CSMD1: variants seen among roughly 807,000 people sequenced by gnomAD.
CSMD1 encodes CUB and sushi domain-containing protein 1.
CSMD1 carries 213 observed loss-of-function variants against 417.5 expected under a neutral mutation model. The observed-to-expected ratio is 0.51, with a 90% CI of 0.46 to 0.57. CSMD1 has a LOEUF of 0.57. Ranked by LOEUF, CSMD1 falls within the 20% of genes least tolerant of loss-of-function variation. The probability of loss-of-function intolerance (pLI) is 0.00; values close to 1 mark genes in which losing one functional copy is unlikely to be tolerated. For synonymous variants in CSMD1, 2,862 were observed against 1,736.8 expected (o/e 1.65, Z -16.11); for missense variants, 6,923 against 4,529.7 (o/e 1.53, Z -15.17).
rs377750812 is a variant in CSMD1 at position 4,600,844 on chromosome 8, T to G, written c.302+36498A>C. Among the ~76,000 whole-genome samples, 8 of 152,310 alleles carry G rather than the reference T, an allele frequency of 5.3e-5. 1 individual carries two copies. Among genetic ancestry groups the G allele is most frequent in the African/African-American group, 1.9e-4 (8 of 41,564 alleles). On this transcript the variant is annotated intron_variant, in intron 2 of 69. Coordinates refer to ENST00000635120, the MANE Select transcript of CSMD1 (RefSeq NM_033225.6). ...AAACTTACATATCTAAAGAAGATAT[T>G]CTGACTTTAAAAGGTTTGCTTATCG...
rs139088660 is a variant in CSMD1, at chr8:3,102,934, A to G, written c.6949+3594T>C. ...AACGAGTTTTATTAGCGGTCTGAAG[A>G]AACTCCCCAGGCCTCCACAAACAAG... On this transcript the variant is annotated intron_variant, in intron 46 of 69. Coordinates refer to ENST00000635120, the MANE Select transcript of CSMD1 (RefSeq NM_033225.6). Among the ~76,000 whole-genome samples the G allele has an allele frequency of 9.8e-3, 1,491 of 152,254 alleles. 21 individuals carry two copies. The highest frequency in any genetic ancestry group is 0.013 in the Non-Finnish European group (866 of 68,028).
chr8:3,318,160 T>C (rs1805902486), intron 23 of CSMD1, among the ~76,000 whole-genome samples: 2 of 152,350 alleles, frequency 1.3e-5, no homozygotes, highest in South Asian at 4.1e-4. Context: ...TAGTAAATTA[T>C]ATATAGTACC....
In CSMD1 at chr8:3,348,101, G is replaced by C. The variant is rs762233647; in HGVS notation, c.3365C>G (p.Ser1122Cys). 1 of 1,612,682 alleles carries C rather than the reference G, an allele frequency of 6.2e-7. No homozygotes were observed. The highest frequency in any genetic ancestry group is 1.7e-5 in the Admixed American group (1 of 59,888). ...ACACTCATGGTTATTATCATAATTG[G>C]ATGGAAAATTTGGAGACAGTAATGT... The part of the protein sequence containing the change: ...EGTLLSPNFP[S>C]NYDNNHECIY... Residue 1122 changes from serine to cysteine, a missense_variant, in exon 22 of 70, where the codon TCC becomes TGC. Coordinates refer to ENST00000635120, the MANE Select transcript of CSMD1 (RefSeq NM_033225.6).
intron 3 of CSMD1, among the ~76,000 whole-genome samples, chr8:4,397,429 G>A (rs1320952703): frequency 6.6e-6 from 1 of 151,102 alleles, no homozygotes; most frequent in Non-Finnish European, 1.5e-5. Flanking sequence ...TTAGGAACAT[G>A]GAAATGAAGA....
intron 26 of CSMD1, among the ~76,000 whole-genome samples, chr8:3,257,887 C>G (rs188414969): frequency 1.3e-5 from 2 of 152,000 alleles, no homozygotes; most frequent in Non-Finnish European, 2.9e-5. Flanking sequence ...TTGCTGGGTT[C>G]TGAAAATGTT....
intron 5 of CSMD1, among the ~76,000 whole-genome samples, chr8:3,821,470 G>A (rs1262562063): frequency 6.6e-6 from 1 of 151,298 alleles, no homozygotes; most frequent in Non-Finnish European, 1.5e-5. Flanking sequence ...CTAAGTGTAG[G>A]ACATTTTTGG....
chr8:3,248,815 G>C (rs1241973038), intron 26 of CSMD1, among the ~76,000 whole-genome samples: 1 of 151,980 alleles, frequency 6.6e-6, no homozygotes, highest in East Asian at 1.9e-4. Context: ...TTGTTCACTT[G>C]GCTAAATTCT....
Position 4,452,273 on chromosome 8 carries a change from G to T in CSMD1, c.303-32208C>A, listed in dbSNP as rs1799190829. On this transcript the variant is annotated intron_variant, in intron 2 of 69. Transcript: ENST00000635120. ...ACGCCTCAGCTCCTCCTTGTCAAAG[G>T]AGGATGACTTGTCTTAACAACTATT... Among the ~76,000 whole-genome samples, 3 of 152,298 alleles carry T rather than the reference G, an allele frequency of 2.0e-5. No homozygotes were observed. The South Asian group carries it at 6.2e-4, about 32-fold the overall frequency.
At chr8:4,787,511 T>G in intron 1 of CSMD1, 1 of 1,024,616 alleles carries the variant, frequency 9.8e-7, no homozygotes, top group South Asian at 1.3e-5. Context: ...TATTTTTCAG[T>G]TATTATAGGA....
chr8:3,069,962 G>A (rs1813215456), intron 49 of CSMD1, among the ~76,000 whole-genome samples: 1 of 152,306 alleles, frequency 6.6e-6, no homozygotes, highest in Non-Finnish European at 1.5e-5. Flanking sequence ...CAGGCTTAAC[G>A]CCACACGGAA....
At chr8:3,081,944 T>C (rs547056814) in intron 49 of CSMD1, among the ~76,000 whole-genome samples, 72 of 152,234 alleles carry the variant, frequency 4.7e-4, no homozygotes, top group Admixed American at 7.9e-4. Context: ...CAAAATCAAT[T>C]TCATGAAGCT....
rs181028358 is a variant in CSMD1, at chr8:3,756,133, G to A, written c.819-2091C>T. ...GCATTTTGGGAGGCCGAGGCAGGTG[G>A]ATCAAGAGGTCAGGAGATCGAGACC... On this transcript the variant is annotated intron_variant, in intron 5 of 69. Transcript: ENST00000635120. Among the ~76,000 whole-genome samples the A allele has an allele frequency of 3.9e-3, 594 of 152,066 alleles. 2 individuals are homozygous for A. Among genetic ancestry groups the A allele is most frequent in the Non-Finnish European group, 6.1e-3 (418 of 67,992 alleles).
At chr8:3,708,620 G>A (rs1324779234) in intron 6 of CSMD1, 129 bp from the exon 7 acceptor site, 2 of 719,350 alleles carry the variant, frequency 2.8e-6, no homozygotes, top group Admixed American at 2.3e-5. Context: ...GTTCTAAGAG[G>A]TGAATGATAC....
intron 1 of CSMD1, among the ~76,000 whole-genome samples, chr8:4,812,002 C>T (rs1563464220): frequency 6.6e-6 from 1 of 152,152 alleles, no homozygotes; most frequent in Non-Finnish European, 1.5e-5. Context: ...CAGAAAGTAA[C>T]AGCTTCCAAT....
chr8:4,744,370 C>A (rs535531901), intron 1 of CSMD1, among the ~76,000 whole-genome samples: 5 of 152,234 alleles, frequency 3.3e-5, no homozygotes, highest in Non-Finnish European at 7.4e-5. Context: ...TTCAGTGTTT[C>A]GTATTGTCTC....
intron 1 of CSMD1, among the ~76,000 whole-genome samples, chr8:4,672,654 G>A (rs777748004): frequency 6.6e-6 from 1 of 151,182 alleles, no homozygotes; most frequent in Non-Finnish European, 1.5e-5. Context: ...AATGCCAGGT[G>A]CTTGAAAAAG....
chr8:3,915,909 G>T (rs1393473480), intron 5 of CSMD1, among the ~76,000 whole-genome samples: 1 of 150,484 alleles, frequency 6.6e-6, no homozygotes, highest in Non-Finnish European at 1.5e-5. Context: ...TAAATTGTGT[G>T]AGTTATCTGA....
At chr8:4,978,156 T>A (rs546327728) in intron 1 of CSMD1, among the ~76,000 whole-genome samples, 1 of 152,322 alleles carries the variant, frequency 6.6e-6, no homozygotes, top group South Asian at 2.1e-4. Flanking sequence ...AAGAAACATC[T>A]AATTTTCATG....
intron 5 of CSMD1, among the ~76,000 whole-genome samples, chr8:3,985,024 C>G (rs139858742): frequency 4.6e-5 from 7 of 152,000 alleles, no homozygotes; most frequent in Non-Finnish European, 8.8e-5. Context: ...TAAGGTGGCT[C>G]TGACCACATT....
Sources: gnomAD v4.1 joint callset for allele counts (sites outside exome capture counted in the v4.1 genomes callset) on GRCh38, gnomAD v4.1.1 for gene constraint, MANE v1.5 for transcripts, NCBI Gene and HGNC (gene_info 2026-07-23, HGNC 2026-07-21) for gene names.